The following CLIP1 variants were observed in gnomAD, a reference collection of about 807,000 sequenced individuals.
CLIP1 encodes the protein CAP-Gly domain-containing linker protein 1.
In CLIP1, 66 loss-of-function variants were observed where a neutral mutation model predicts 161.6. That is an observed-to-expected ratio of 0.41 (90% CI 0.33 to 0.50). The LOEUF is 0.50. CLIP1 is among the 20% of genes least tolerant of loss of function. The pLI is 0.27. For synonymous variants in CLIP1, 598 were observed against 626.2 expected (o/e 0.96, Z 0.67); for missense variants, 1,376 against 1,702.0 (o/e 0.81, Z 3.37).
At chr12:122,281,843 A>C (rs1387814873) in intron 21 of CLIP1, among the ~76,000 whole-genome samples, 1 of 152,232 alleles carries the variant, frequency 6.6e-6, no homozygotes, top group Non-Finnish European at 1.5e-5. Context: ...TGTAATTTTA[A>C]ATGTTTTTAC....
At chr12:122,414,592 G>C (rs776995835) in intron 1 of CLIP1, among the ~76,000 whole-genome samples, 1 of 152,110 alleles carries the variant, frequency 6.6e-6, no homozygotes, top group Non-Finnish European at 1.5e-5. Flanking sequence ...AGTCTCCCAA[G>C]TAGGTGGGAT....
chr12:122,294,528 C>T (rs1040470482), intron 20 of CLIP1, among the ~76,000 whole-genome samples: 1 of 151,448 alleles, frequency 6.6e-6, no homozygotes, highest in Admixed American at 6.6e-5. Context: ...TCTGGGAGGC[C>T]AAGGCAGGAT....
At chr12:122,404,928 C>G (rs1162152548) in intron 1 of CLIP1, among the ~76,000 whole-genome samples, 2 of 151,076 alleles carry the variant, frequency 1.3e-5, no homozygotes, top group Non-Finnish European at 3.0e-5. Context: ...AAAAAAAAAC[C>G]AACATGGTGC....
At chr12:122,390,267 C>CATATATATATACATATATATAT (rs1380270060) in intron 1 of CLIP1, among the ~76,000 whole-genome samples, 7 of 71,298 alleles carry the variant, frequency 9.8e-5, no homozygotes, top group African/African-American at 2.7e-4. Flanking sequence ...TATACACACA[C>CATATATATATACATATATATAT]ATATATATAT....
intron 24 of CLIP1, chr12:122,276,613 G>T: frequency 1.9e-6 from 1 of 517,590 alleles, no homozygotes; most frequent in South Asian, 2.5e-5. Flanking sequence ...CCTCAAAGGA[G>T]GTGTCTGGCA....
At position 122,397,553 on chromosome 12, in the gene CLIP1, C is replaced by CAAAAAAAAAA. The variant is rs35589479; in HGVS notation, c.-106-17005_-106-16996dup. 2.4e-4 allele frequency among the ~76,000 whole-genome samples: 16 copies of CAAAAAAAAAA among 66,862 alleles called. 1 individual carries two copies. In the East Asian group the frequency reaches 9.5e-3, roughly 40 times the overall value. The allele number at this position is 66,862 out of a possible 152,430, so 43.9% of individuals were successfully genotyped here. On this transcript the variant is annotated intron_variant, in intron 1 of 25. Coordinates refer to ENST00000620786, the MANE Select transcript of CLIP1 (RefSeq NM_001247997.2). ...GGGCGACAGAGCCAGACTCCATCTC[C>CAAAAAAAAAA]AAAAAAAAAAAAAAAAAAAAAAAAA...
chr12:122,347,568 C>G, intron 9 of CLIP1, 89 bp from the exon 10 acceptor site: 1 of 931,472 alleles, frequency 1.1e-6, no homozygotes. Context: ...GCAGGCTGAG[C>G]CACCAGTACC....
At chr12:122,331,400 C>T (rs867549559) in intron 15 of CLIP1, among the ~76,000 whole-genome samples, 30 of 151,766 alleles carry the variant, frequency 2.0e-4, no homozygotes, top group African/African-American at 6.5e-4. Flanking sequence ...TTGCAACCTC[C>T]GCCTCCTGGG....
intron 20 of CLIP1, among the ~76,000 whole-genome samples, chr12:122,291,346 T>G (rs61954382): frequency 0.068 from 10,193 of 149,860 alleles, 365 homozygotes; most frequent in Middle Eastern, 0.13. Flanking sequence ...TGTGCTACCA[T>G]GCCCAGCTAA....
Position 122,323,404 on chromosome 12 carries a change from G to T in CLIP1, c.3250-4056C>A, listed in dbSNP as rs578033267. The stretch of plus-strand genomic sequence containing the variant: ...AGGTTTCTTTCTCATGCAGAAGCTG[G>T]ATGCACTCGGAGTCCGTGACCGCCC... On this transcript the variant is annotated intron_variant, in intron 17 of 25. Transcript: ENST00000620786. The surrounding 1 kb of genome is among the most constrained non-coding windows in gnomAD (Gnocchi z 4.1). 6.5e-6 allele frequency: 1 copy of T among 152,676 alleles called. No homozygotes were observed. Among genetic ancestry groups the T allele is most frequent in the East Asian group, 1.9e-4 (1 of 5,188 alleles). 9.5% of individuals were successfully genotyped at this position (152,676 alleles called of 1,614,324 possible). A position where few individuals can be genotyped will look rare whatever the true frequency, so the allele number is the denominator to read the frequency against.
chr12:122,337,097 G>A (rs1360281997), intron 11 of CLIP1, among the ~76,000 whole-genome samples: 2 of 151,510 alleles, frequency 1.3e-5, no homozygotes, highest in African/African-American at 4.9e-5. Flanking sequence ...AGCCTCCTAA[G>A]CAGCGGAGAT....
At chr12:122,318,342 G>A (rs1471351003) in intron 18 of CLIP1, among the ~76,000 whole-genome samples, 1 of 152,198 alleles carries the variant, frequency 6.6e-6, no homozygotes, top group Non-Finnish European at 1.5e-5. Context: ...AGAACAGCCT[G>A]GCCAACATGG....
intron 20 of CLIP1, among the ~76,000 whole-genome samples, chr12:122,291,794 G>T (rs537629097): frequency 6.6e-6 from 1 of 152,030 alleles, no homozygotes; most frequent in Non-Finnish European, 1.5e-5. Context: ...ATGTATTTTT[G>T]GGGGATACGT....
At chr12:122,366,764 C>G (rs1954192402) in intron 3 of CLIP1, among the ~76,000 whole-genome samples, 2 of 152,100 alleles carry the variant, frequency 1.3e-5, no homozygotes, top group Admixed American at 1.3e-4. Context: ...TTGCTTGAAC[C>G]AAGGAGGCAG....
intron 11 of CLIP1, among the ~76,000 whole-genome samples, chr12:122,338,517 G>A (rs1952346138): frequency 6.6e-6 from 1 of 151,994 alleles, no homozygotes; most frequent in African/African-American, 2.4e-5. Context: ...AGGAGTTCGA[G>A]ACCACCCTGG....
intron 20 of CLIP1, among the ~76,000 whole-genome samples, chr12:122,293,363 C>A (rs955189302): frequency 6.6e-6 from 1 of 151,840 alleles, no homozygotes; most frequent in African/African-American, 2.4e-5. Flanking sequence ...TTTAAAAAGA[C>A]AAAACAAAAC....
intron 15 of CLIP1, 57 bp from the exon 16 acceptor site, chr12:122,328,483 A>G: frequency 1.9e-6 from 2 of 1,078,160 alleles, no homozygotes; most frequent in East Asian, 2.8e-5. Flanking sequence ...TTTAAATTTA[A>G]GTTATATTAA....
chr12:122,275,554 T>A (rs1955376854), intron 24 of CLIP1: 2 of 151,708 alleles, frequency 1.3e-5, no homozygotes, highest in Non-Finnish European at 2.9e-5. Context: ...GACGTTGCAG[T>A]GAGCCATGAC....
At position 122,309,848 on chromosome 12, in the gene CLIP1, G is replaced by T; in HGVS notation, c.3508C>A (p.Gln1170Lys). ...TCTTCTTGCAACGCTGAAAGCTGCT[G>T]GGACTTCTGAGCTGCTGCCTGCTTT... ...TLKQAAAQKS[Q>K]QLSALQEENV... The change falls in exon 20 of 26, where the codon CAG (glutamine) becomes AAG (lysine). Residue 1170 changes from glutamine to lysine, a missense_variant. Coordinates refer to ENST00000620786, the MANE Select transcript of CLIP1 (RefSeq NM_001247997.2). 6.2e-7 allele frequency: 1 copy of T among 1,614,018 alleles called. No individual in the cohort carries two copies. Among genetic ancestry groups the T allele is most frequent in the Non-Finnish European group, 8.5e-7 (1 of 1,180,032 alleles).
Sources: allele counts gnomAD v4.1 joint callset (sites outside exome capture counted in the v4.1 genomes callset), GRCh38; gene constraint gnomAD v4.1.1; non-coding constraint Gnocchi (gnomAD v3.1); transcripts MANE v1.5; gene names NCBI Gene and HGNC (gene_info 2026-07-23, HGNC 2026-07-21).